Variants in SETBP1 observed in about 807,000 individuals in gnomAD.
SETBP1 encodes SET binding protein 1.
In SETBP1, 9 loss-of-function variants were observed where a neutral mutation model predicts 101.0. The observed-to-expected ratio is 0.09, with a 90% CI of 0.05 to 0.16. The LOEUF is 0.16. SETBP1 is among the 10% of genes least tolerant of loss of function. SETBP1 has a pLI of 1.00. For synonymous variants in SETBP1, 818 were observed against 788.5 expected, an observed-to-expected ratio of 1.04 and a Z score of -0.63; for missense variants, 1,858 against 2,033.8, an observed-to-expected ratio of 0.91 and a Z score of 1.66.
intron 2 of SETBP1, among the ~76,000 whole-genome samples, chr18:44,756,422 T>A (rs2070497009): frequency 6.6e-6 from 1 of 152,154 alleles, no homozygotes; most frequent in Non-Finnish European, 1.5e-5. Flanking sequence ...CTGAACTAGT[T>A]GGTTTCTCAC....
At chr18:44,863,399 G>C (rs2069057319) in intron 2 of SETBP1, among the ~76,000 whole-genome samples, 2 of 152,226 alleles carry the variant, frequency 1.3e-5, no homozygotes, top group Admixed American at 6.5e-5. Context: ...ACAATGGAGA[G>C]TGTGGGGCTA....
At chr18:44,821,732 A>T (rs1343492236) in intron 2 of SETBP1, among the ~76,000 whole-genome samples, 1 of 152,226 alleles carries the variant, frequency 6.6e-6, no homozygotes, top group Non-Finnish European at 1.5e-5. Context: ...AATATCTGTT[A>T]TTGCAGCGGG....
chr18:44,811,169 T>C (rs1208944304), intron 2 of SETBP1, among the ~76,000 whole-genome samples: 1 of 152,198 alleles, frequency 6.6e-6, no homozygotes, highest in African/African-American at 2.4e-5. Context: ...GACCTGAAAT[T>C]TGAAATTCTT....
rs2071342550 is a variant in SETBP1 at position 44,951,245 on chromosome 18, A to G, written c.1905A>G (p.Leu635=). ...GCAATTTAGCGAAGTTGGCCCAGCT[A>G]GTGCCGGGAGAGGACAAACCCATGA... ...RRRNLAKLAQ[L]VPGEDKPMSE... is the part of the protein sequence containing the mutation. Residue 635 remains leucine, a synonymous_variant, in exon 4 of 6, where the codon CTA becomes CTG. Coordinates refer to ENST00000649279, the MANE Select transcript of SETBP1 (RefSeq NM_015559.3). The surrounding 1 kb of genome is among the most constrained non-coding windows in gnomAD (Gnocchi z 7.8). 1.2e-6 allele frequency: 2 copies of G among 1,614,078 alleles called. No individual in the cohort carries two copies. The highest frequency in any genetic ancestry group is 1.7e-6 in the Non-Finnish European group (2 of 1,180,044).
At chr18:44,781,461 CTCTCTCTCTCTG>C (rs2071128449) in intron 2 of SETBP1, among the ~76,000 whole-genome samples, 1 of 151,870 alleles carries the variant, frequency 6.6e-6, no homozygotes, top group Non-Finnish European at 1.5e-5. Flanking sequence ...CTCTCTCTCT[CTCTCTCTCTCTG>C]TCTCTGTCTC....
In SETBP1 at chr18:45,038,495, T is replaced by A; in HGVS notation, c.4011T>A (p.Ser1337Arg). Residue 1337 changes from serine to arginine, a missense_variant, in exon 5 of 6, where the codon AGT (serine) becomes AGA (arginine). Ser to Arg is a moderately radical substitution (Grantham distance 110, BLOSUM62 -1). Around this residue, in one of 12 missense-constraint regions of SETBP1, gnomAD observed 417 missense variants for 389.1 expected, o/e 1.07. Coordinates refer to ENST00000649279, the MANE Select transcript of SETBP1 (RefSeq NM_015559.3). The stretch of plus-strand genomic sequence containing the variant: ...GTTGTTATTTTTTAGGGATGCCAAG[T>A]CCCCACTTAAAAGTGGACCAGACAG... Reference protein sequence around the residue: ...YDSSMSPGMPSPHLKVDQTAV... With the variant: ...YDSSMSPGMPRPHLKVDQTAV... 1.2e-6 allele frequency: 2 copies of A among 1,614,036 alleles called. No individual in the cohort carries two copies.
intron 4 of SETBP1, among the ~76,000 whole-genome samples, chr18:45,004,032 A>G (rs1465822261): frequency 1.3e-5 from 2 of 152,200 alleles, no homozygotes; most frequent in Admixed American, 1.3e-4. Flanking sequence ...GATGCTGCTG[A>G]ATACCCTACA....
At chr18:45,052,323 G>A (rs796623838) in intron 5 of SETBP1, among the ~76,000 whole-genome samples, 15 of 152,330 alleles carry the variant, frequency 9.8e-5, no homozygotes, top group African/African-American at 3.6e-4. Context: ...TCCATGCATG[G>A]CTTTTAGGAA....
rs1199668104 is a variant in SETBP1 at position 44,949,844 on chromosome 18, C to G, written c.541-37C>G. 2.0e-6 allele frequency: 3 copies of G among 1,494,384 alleles called. No individual in the cohort carries two copies. In the African/African-American group the frequency reaches 4.1e-5, roughly 21 times the overall value. The allele number at this position is 1,494,384 out of a possible 1,614,324, so 92.6% of individuals were successfully genotyped here. On this transcript the variant is annotated intron_variant, in intron 3 of 5. Transcript: ENST00000649279. ...AACATGCTCATCTTTGTTTCTCTCTCTCTGTCTCTCTCCCTCTCCACTCCA... is the reference window on the plus strand; with the variant it reads ...AACATGCTCATCTTTGTTTCTCTCTGTCTGTCTCTCTCCCTCTCCACTCCA...
chr18:44,823,801 G>T (rs762044717), intron 2 of SETBP1, among the ~76,000 whole-genome samples: 11 of 152,166 alleles, frequency 7.2e-5, no homozygotes, highest in Admixed American at 1.3e-4. Context: ...AATAAGAAAT[G>T]ATTTTACTCC....
intron 3 of SETBP1, chr18:44,872,119 T>G (rs2069290433): frequency 6.6e-6 from 1 of 152,214 alleles, no homozygotes; most frequent in African/African-American, 2.4e-5. Flanking sequence ...CCTCACTTCT[T>G]TTGTCTGTCT....
At chr18:44,903,552 C>T (rs2070102615) in intron 3 of SETBP1, among the ~76,000 whole-genome samples, 1 of 152,118 alleles carries the variant, frequency 6.6e-6, no homozygotes, top group African/African-American at 2.4e-5. Flanking sequence ...GAGAAAGAAA[C>T]AAAGAAATGG....
At chr18:44,890,222 T>C (rs912441899) in intron 3 of SETBP1, among the ~76,000 whole-genome samples, 5 of 152,150 alleles carry the variant, frequency 3.3e-5, no homozygotes, top group African/African-American at 4.8e-5. Flanking sequence ...AGTGAAACTT[T>C]GAACTCTTTG....
chr18:44,753,317 C>T (rs866323763), intron 2 of SETBP1, among the ~76,000 whole-genome samples: 9 of 152,222 alleles, frequency 5.9e-5, no homozygotes, highest in Middle Eastern at 6.8e-3. Context: ...AATGATAATC[C>T]GGACAGATCC....
chr18:44,789,736 T>C (rs1244437858), intron 2 of SETBP1, among the ~76,000 whole-genome samples: 2 of 152,236 alleles, frequency 1.3e-5, no homozygotes, highest in Non-Finnish European at 2.9e-5. Context: ...AGGATGGATA[T>C]TGTGCTTTTA....
At chr18:44,844,874 G>A (rs1470851956) in intron 2 of SETBP1, among the ~76,000 whole-genome samples, 1 of 152,178 alleles carries the variant, frequency 6.6e-6, no homozygotes, top group Non-Finnish European at 1.5e-5. Context: ...GCTGAGCTTG[G>A]CATCAGGCCG....
intron 4 of SETBP1, among the ~76,000 whole-genome samples, chr18:44,980,474 T>C (rs1884670692): frequency 1.3e-5 from 2 of 151,116 alleles, no homozygotes; most frequent in South Asian, 4.2e-4. Flanking sequence ...ATTCGCACAT[T>C]CTTCTGCTTT....
rs1241799844 is a variant in SETBP1 at position 44,952,526 on chromosome 18, C to T, written c.3186C>T (p.Asn1062=). The change falls in exon 4 of 6, where the codon AAC becomes AAT. Residue 1062 remains asparagine (N), a synonymous_variant. Coordinates refer to ENST00000649279, the MANE Select transcript of SETBP1 (RefSeq NM_015559.3). ...CTTACACATCAATGCCTATGATGAA[C>T]CTTGGTTATTACGGTCAGTACCCAG... ...GMPYTSMPMM[N]LGYYGQYPAP... The T allele has an allele frequency of 1.5e-5, 24 of 1,614,080 alleles. No individual in the cohort carries two copies. The highest frequency in any genetic ancestry group is 1.9e-5 in the Non-Finnish European group (23 of 1,180,016).
intron 2 of SETBP1, among the ~76,000 whole-genome samples, chr18:44,776,322 C>G (rs1020212559): frequency 5.9e-5 from 9 of 152,208 alleles, no homozygotes; most frequent in Admixed American, 5.9e-4. Flanking sequence ...TCTTTTCGCT[C>G]CATAGCACAG....
Sources: allele counts gnomAD v4.1 joint callset (sites outside exome capture counted in the v4.1 genomes callset), GRCh38; gene constraint gnomAD v4.1.1; regional missense constraint gnomAD v4.1.1; non-coding constraint Gnocchi (gnomAD v3.1); transcripts MANE v1.5; gene names NCBI Gene and HGNC (gene_info 2026-07-23, HGNC 2026-07-21).